SOBP: variants seen among roughly 807,000 people sequenced by gnomAD.
The protein encoded by SOBP is sine oculis-binding protein homolog.
A neutral mutation model predicts 53.6 loss-of-function variants in SOBP; 4 were observed. The ratio of observed to expected loss-of-function variants is 0.07; its 90% confidence interval spans 0.04 to 0.17. The LOEUF (loss-of-function observed/expected upper bound fraction) is 0.17. SOBP is among the 10% of genes least tolerant of loss of function. The probability of loss-of-function intolerance (pLI) is 1.00; values close to 1 mark genes in which losing one functional copy is unlikely to be tolerated. For synonymous variants in SOBP, 584 were observed against 522.6 expected, an observed-to-expected ratio of 1.12 and a Z score of -1.60; for missense variants, 1,088 against 1,204.7, an observed-to-expected ratio of 0.90 and a Z score of 1.43.
At chr6:107,574,872 G>T (rs1233373941) in intron 4 of SOBP, among the ~76,000 whole-genome samples, 1 of 152,176 alleles carries the variant, frequency 6.6e-6, no homozygotes, top group Non-Finnish European at 1.5e-5. Flanking sequence ...CGTTTCAGCT[G>T]TGTTGGACAC....
chr6:107,612,816 C>G (rs1786649157), intron 5 of SOBP, among the ~76,000 whole-genome samples: 2 of 152,138 alleles, frequency 1.3e-5, no homozygotes, highest in Admixed American at 6.5e-5. Flanking sequence ...TTTGTCTATT[C>G]TAGATGTTAT....
At chr6:107,529,571 G>C (rs1335408006) in intron 3 of SOBP, 2 of 985,278 alleles carry the variant, frequency 2.0e-6, no homozygotes, top group African/African-American at 1.7e-5. Context: ...ATTGCCTGGA[G>C]TCCATTAATG....
At chr6:107,517,251 A>G (rs1171072774) in intron 3 of SOBP, among the ~76,000 whole-genome samples, 1 of 152,248 alleles carries the variant, frequency 6.6e-6, no homozygotes, top group Admixed American at 6.5e-5. Flanking sequence ...TCAGGCTGAC[A>G]TAAAATACCA....
Position 107,660,562 on chromosome 6 carries a change from C to T in SOBP, c.*2359C>T, listed in dbSNP as rs1162277792. On this transcript the variant is annotated 3_prime_UTR_variant, in exon 7 of 7. Transcript: ENST00000317357. Reference sequence around the variant, plus strand: ...AAACATGCTCCACGGGTTCCACTCACATCCACACACCATCTCACCCCACTG... The same window carrying T: ...AAACATGCTCCACGGGTTCCACTCATATCCACACACCATCTCACCCCACTG... Among the ~76,000 whole-genome samples, 4 of 152,136 alleles carry T rather than the reference C, an allele frequency of 2.6e-5. No individual in the cohort carries two copies. The highest frequency in any genetic ancestry group is 2.0e-4 in the Admixed American group (3 of 15,282).
At chr6:107,607,671 T>C (rs1389822940) in intron 5 of SOBP, among the ~76,000 whole-genome samples, 1 of 152,224 alleles carries the variant, frequency 6.6e-6, no homozygotes, top group African/African-American at 2.4e-5. Context: ...TTTGTGTGCA[T>C]GTGAGGAGTA....
At chr6:107,533,368 G>A (rs1057053769) in intron 3 of SOBP, 91 bp from the exon 4 acceptor site, 2 of 1,352,322 alleles carry the variant, frequency 1.5e-6, no homozygotes, top group Non-Finnish European at 1.0e-6. Context: ...CTAAAATCAG[G>A]CCCAGGTAGC....
Position 107,633,967 on chromosome 6 carries a change from C to T in SOBP, c.1123C>T (p.Pro375Ser). ...SVQPPASIGP[P>S]LGVPPRSPPM... ...CCAGCCACCTGCTAGCATCGGGCCT[C>T]CCCTTGGCGTCCCGCCTCGGAGCCC... is the stretch of plus-strand genomic sequence containing the variant. Residue 375 changes from proline (P) to serine (S), a missense_variant, in exon 6 of 7, where the codon CCC becomes TCC. By Grantham distance (74) the Pro-to-Ser change is moderately conservative. Around this residue, in one of 6 missense-constraint regions of SOBP, gnomAD observed 211 missense variants for 258.9 expected, o/e 0.82. Coordinates refer to ENST00000317357, the MANE Select transcript of SOBP (RefSeq NM_018013.4). 6.2e-7 allele frequency: 1 copy of T among 1,614,170 alleles called. No homozygotes were observed. Among genetic ancestry groups the T allele is most frequent in the Non-Finnish European group, 8.5e-7 (1 of 1,180,024 alleles).
intron 4 of SOBP, among the ~76,000 whole-genome samples, chr6:107,558,993 A>G (rs1445692273): frequency 6.6e-6 from 1 of 152,104 alleles, no homozygotes; most frequent in Non-Finnish European, 1.5e-5. Flanking sequence ...CCATGAAGAC[A>G]GTGATTTTGT....
intron 4 of SOBP, among the ~76,000 whole-genome samples, chr6:107,535,187 T>C (rs1726235668): frequency 6.6e-6 from 1 of 152,198 alleles, no homozygotes; most frequent in Non-Finnish European, 1.5e-5. Context: ...TTGCAAACTG[T>C]ATTTTATAGT....
intron 4 of SOBP, among the ~76,000 whole-genome samples, chr6:107,558,564 G>A (rs1023638497): frequency 2.6e-5 from 4 of 151,916 alleles, no homozygotes; most frequent in African/African-American, 4.8e-5. Context: ...CACCGCGCCC[G>A]GCCTAAAGAT....
chr6:107,558,132 A>T (rs187363316), intron 4 of SOBP: 1 of 152,220 alleles, frequency 6.6e-6, no homozygotes, highest in East Asian at 1.9e-4. Flanking sequence ...TAGTCTTTTC[A>T]TTTGATCTTC....
At chr6:107,503,073 A>C (rs1562575309) in intron 1 of SOBP, among the ~76,000 whole-genome samples, 2 of 152,062 alleles carry the variant, frequency 1.3e-5, no homozygotes, top group African/African-American at 4.8e-5. Context: ...TTTTTGAAAA[A>C]ACTCTTGCAG....
intron 4 of SOBP, among the ~76,000 whole-genome samples, chr6:107,549,589 C>T (rs967273098): frequency 6.6e-6 from 1 of 152,046 alleles, no homozygotes; most frequent in Admixed American, 6.5e-5. Context: ...AAGTACAGCT[C>T]CCCTCCTCAT....
intron 4 of SOBP, among the ~76,000 whole-genome samples, chr6:107,582,214 T>C (rs576220454): frequency 6.6e-6 from 1 of 152,322 alleles, no homozygotes; most frequent in East Asian, 1.9e-4. Flanking sequence ...TCTAAAGGCA[T>C]TCTTCAGAGG....
At chr6:107,609,442 T>C (rs1423450912) in intron 5 of SOBP, among the ~76,000 whole-genome samples, 1 of 152,198 alleles carries the variant, frequency 6.6e-6, no homozygotes, top group Admixed American at 6.5e-5. Context: ...ACTCTTAGGC[T>C]ACACTTCCCG....
At chr6:107,503,040 G>A (rs146550879) in intron 1 of SOBP, among the ~76,000 whole-genome samples, 11 of 152,242 alleles carry the variant, frequency 7.2e-5, no homozygotes, top group Admixed American at 6.5e-4. Flanking sequence ...GATTACAGGC[G>A]TGAGCCACCG....
Position 107,490,460 on chromosome 6 carries a change from T to G in SOBP, c.-157T>G, listed in dbSNP as rs1314468209. The G allele has an allele frequency of 3.4e-6, 2 of 594,124 alleles. No homozygotes were observed. The highest frequency in any genetic ancestry group is 3.9e-5 in the African/African-American group (2 of 51,662). 36.8% of individuals were successfully genotyped at this position (594,124 alleles called of 1,614,324 possible). ...AGAAGAGACCCCGCTTCTCGGCGCC[T>G]GCCCTCCCCCTCGCGGCTCGGTCCG... On this transcript the variant is annotated 5_prime_UTR_variant, in exon 1 of 7. Transcript: ENST00000317357.
rs1047145751 is a variant in SOBP at position 107,649,195 on chromosome 6, C to T, written c.*4-9012C>T. Among the ~76,000 whole-genome samples the T allele has an allele frequency of 3.1e-5, 4 of 127,524 alleles. No individual in the cohort carries two copies. In the South Asian group the frequency reaches 1.0e-3, roughly 33 times the overall value. 83.7% of individuals were successfully genotyped at this position (127,524 alleles called of 152,430 possible). On this transcript the variant is annotated intron_variant, in intron 6 of 6. Coordinates refer to ENST00000317357, the MANE Select transcript of SOBP (RefSeq NM_018013.4). ...AAAAAAAAAAAAAAAAAAAAACCAT[C>T]AGGAGCCATGGCTCATGCCTGTAAT...
At chr6:107,527,840 T>G (rs1160010989) in intron 3 of SOBP, among the ~76,000 whole-genome samples, 1 of 152,236 alleles carries the variant, frequency 6.6e-6, no homozygotes, top group Non-Finnish European at 1.5e-5. Context: ...TGGATCTGCC[T>G]GTTGCTTTTC....
Sources: gnomAD v4.1 joint callset for allele counts (sites outside exome capture counted in the v4.1 genomes callset) on GRCh38, gnomAD v4.1.1 for gene constraint, gnomAD v4.1.1 regional missense constraint, MANE v1.5 for transcripts, NCBI Gene and HGNC (gene_info 2026-07-23, HGNC 2026-07-21) for gene names.